DNAH6: variants seen among roughly 807,000 people sequenced by gnomAD.
DNAH6 encodes axonemal beta dynein heavy chain 6.
Under a neutral mutation model 491.4 loss-of-function variants are expected in DNAH6, and 340 were observed. The ratio of observed to expected loss-of-function variants is 0.69; its 90% CI spans 0.63 to 0.76. DNAH6 has a LOEUF of 0.76. Ranked by LOEUF, DNAH6 falls within the 30% of genes least tolerant of loss-of-function variation. DNAH6 has a pLI of 0.00. For missense variants in DNAH6, 4,443 were observed against 4,972.2 expected, an observed-to-expected ratio of 0.89 and a Z score of 3.20; for synonymous variants, 1,603 against 1,686.1, an observed-to-expected ratio of 0.95 and a Z score of 1.21.
chr2:84,749,079 T>C (rs1438623899), intron 63 of DNAH6, among the ~76,000 whole-genome samples: 4 of 152,198 alleles, frequency 2.6e-5, no homozygotes, highest in African/African-American at 9.7e-5. Flanking sequence ...AAGCCATTCA[T>C]GAGGGATCCA....
the DNAH6 span, among the ~76,000 whole-genome samples, chr2:84,499,563 GGGATTGCT>G: frequency 5.3e-5 from 8 of 152,156 alleles, no homozygotes; most frequent in Non-Finnish European, 1.0e-4. Flanking sequence ...ATCCAGCAGT[GGGATTGCT>G]GGAGCATATG....
intron 64 of DNAH6, among the ~76,000 whole-genome samples, chr2:84,766,482 A>G (rs1298870730): frequency 6.6e-6 from 1 of 152,196 alleles, no homozygotes; most frequent in Non-Finnish European, 1.5e-5. Context: ...GATGACAAAA[A>G]CAATATTACA....
intron 71 of DNAH6, among the ~76,000 whole-genome samples, chr2:84,807,513 C>T (rs950915886): frequency 1.3e-5 from 2 of 152,124 alleles, no homozygotes; most frequent in Non-Finnish European, 1.5e-5. Flanking sequence ...CAGTAACATG[C>T]GATAAACACT....
rs1302052077 is a variant in DNAH6, at chr2:84,517,899, T to G, written c.73T>G (p.Ser25Ala). The change falls in exon 2 of 77, where the codon TCA becomes GCA. Residue 25 changes from serine to alanine, a missense_variant. By Grantham distance (99) the Ser-to-Ala change is moderately conservative. Around this residue, in one of 3 missense-constraint regions of DNAH6, gnomAD observed 2,977 missense variants for 3,296.6 expected, o/e 0.90. Coordinates refer to ENST00000389394, the MANE Select transcript of DNAH6 (RefSeq NM_001370.2). ...IEEYAENSAL[S>A]RLNNIKAKQR... ...AGAGTATGCCGAAAATTCTGCACTT[T>G]CAAGACTGAATAATATAAAAGCCAA... The G allele has an allele frequency of 5.8e-6, 9 of 1,551,786 alleles. No homozygotes were observed. The highest frequency in any genetic ancestry group is 7.0e-6 in the Non-Finnish European group (8 of 1,147,018).
rs1207064868 is a variant in DNAH6 at position 84,705,719 on chromosome 2, C to T, written c.8699C>T (p.Pro2900Leu). 9 of 1,549,724 alleles carry T rather than the reference C, an allele frequency of 5.8e-6. No homozygotes were observed. In the Admixed American group the frequency reaches 1.8e-4, roughly 31 times the overall value. ...TCTCGAGTGGTCAAGGTCGTCGAAC[C>T]AAAAAGACAAAAGCTCCGCGCCGCA... is the stretch of plus-strand genomic sequence containing the variant. ...LYSRVVKVVE[P>L]KRQKLRAAQA... The change falls in exon 52 of 77, where the codon CCA (proline) becomes CTA (leucine). Residue 2900 changes from proline to leucine, a missense_variant. Coordinates refer to ENST00000389394, the MANE Select transcript of DNAH6 (RefSeq NM_001370.2).
chr2:84,740,784 G>A (rs1672453297), intron 62 of DNAH6, among the ~76,000 whole-genome samples: 1 of 152,136 alleles, frequency 6.6e-6, no homozygotes, highest in Admixed American at 6.5e-5. Context: ...CTTGCCCTCT[G>A]GGAAAAACCT....
chr2:84,577,030 A>G (rs980911768), intron 12 of DNAH6, among the ~76,000 whole-genome samples: 1 of 152,228 alleles, frequency 6.6e-6, no homozygotes, highest in African/African-American at 2.4e-5. Context: ...TAGGAGCCAG[A>G]AGACATATTT....
chr2:84,503,854 T>A, the DNAH6 span, among the ~76,000 whole-genome samples: 3 of 152,126 alleles, frequency 2.0e-5, no homozygotes, highest in African/African-American at 7.2e-5. Flanking sequence ...CTTTGGGAGT[T>A]TGATTATTAA....
the DNAH6 span, among the ~76,000 whole-genome samples, chr2:84,475,802 A>C: frequency 1.3e-5 from 2 of 152,360 alleles, no homozygotes; most frequent in East Asian, 3.9e-4. Context: ...CGAGCAATAA[A>C]ATCAATATAT....
chr2:84,794,361 A>G (rs1406032160), intron 68 of DNAH6, among the ~76,000 whole-genome samples: 2 of 151,714 alleles, frequency 1.3e-5, no homozygotes, highest in South Asian at 2.1e-4. Context: ...TCTGCACAGC[A>G]AAAGAAACTA....
chr2:84,691,364 G>C (rs1270767906), intron 45 of DNAH6, among the ~76,000 whole-genome samples: 1 of 152,102 alleles, frequency 6.6e-6, no homozygotes, highest in Non-Finnish European at 1.5e-5. Flanking sequence ...GTACATTATG[G>C]GAAAAATAAG....
In DNAH6 at chr2:84,645,244, A is replaced by T. The variant is rs1010848082; in HGVS notation, c.5078+3190A>T. ...AGACCAGCCTGACCAATATGGTGAA[A>T]CCCTGTCTGTACTAAAAATACAAAA... On this transcript the variant is annotated intron_variant, in intron 33 of 76. Transcript: ENST00000389394. Among the ~76,000 whole-genome samples, 4 of 152,118 alleles carry T rather than the reference A, an allele frequency of 2.6e-5. No individual in the cohort carries two copies. The South Asian group carries it at 8.3e-4, about 32-fold the overall frequency.
At chr2:84,628,209 A>G (rs1323577107) in intron 29 of DNAH6, among the ~76,000 whole-genome samples, 1 of 152,200 alleles carries the variant, frequency 6.6e-6, no homozygotes, top group Non-Finnish European at 1.5e-5. Context: ...TGTGGTAAGC[A>G]GTTTCCAGAG....
rs758855367 is a variant in DNAH6, at chr2:84,573,575, C to T, written c.1912C>T (p.Leu638Phe). 2 of 1,569,508 alleles carry T rather than the reference C, an allele frequency of 1.3e-6. No individual in the cohort carries two copies. Among genetic ancestry groups the T allele is most frequent in the South Asian group, 1.2e-5 (1 of 82,750 alleles). ...NESLDLQALK[L>F]QEPDINFFSE... ...AAGTCTTGATTTACAAGCTCTTAAA[C>T]TTCAGGAACCTGGTAACTTGTCCAT... Residue 638 changes from leucine (L) to phenylalanine (F), a missense_variant, in exon 12 of 77, where the codon CTT (leucine) becomes TTT (phenylalanine). Around this residue, in one of 3 missense-constraint regions of DNAH6, gnomAD observed 2,977 missense variants for 3,296.6 expected, o/e 0.90. Coordinates refer to ENST00000389394, the MANE Select transcript of DNAH6 (RefSeq NM_001370.2).
At chr2:84,667,484 A>G (rs1692251663) in intron 37 of DNAH6, among the ~76,000 whole-genome samples, 1 of 152,374 alleles carries the variant, frequency 6.6e-6, no homozygotes, top group Middle Eastern at 3.4e-3. Context: ...TATGCAGCCA[A>G]CAGACACATG....
chr2:84,740,898 T>C (rs1404811290), intron 62 of DNAH6, among the ~76,000 whole-genome samples: 1 of 152,196 alleles, frequency 6.6e-6, no homozygotes, highest in Non-Finnish European at 1.5e-5. Context: ...CAATTCTGCC[T>C]GTGGGGACCC....
chr2:84,701,327 G>A lies in DNAH6; in HGVS notation c.8049G>A (p.Lys2683=), dbSNP rs1208465403. ...TGTCTATGCTGTCTGAAAAAAGGAAGCAGATTATTTCAGTAGGTTCAATAT... is the reference window on the plus strand; with the variant it reads ...TGTCTATGCTGTCTGAAAAAAGGAAACAGATTATTTCAGTAGGTTCAATAT... ...LYLSMLSEKR[K]QIISARDRVK... The change falls in exon 49 of 77, where the codon AAG becomes AAA. Residue 2683 remains lysine, a synonymous_variant. Coordinates refer to ENST00000389394, the MANE Select transcript of DNAH6 (RefSeq NM_001370.2). 3 of 1,549,336 alleles carry A rather than the reference G, an allele frequency of 1.9e-6. No homozygotes were observed. The Admixed American group carries it at 5.9e-5, about 31-fold the overall frequency.
intron 29 of DNAH6, among the ~76,000 whole-genome samples, chr2:84,625,638 CAGTA>C (rs1302420154): frequency 6.6e-6 from 1 of 152,058 alleles, no homozygotes. Flanking sequence ...AAAAAAATAA[CAGTA>C]AGCCCATTAT....
intron 31 of DNAH6, among the ~76,000 whole-genome samples, chr2:84,640,228 G>T (rs1456822429): frequency 6.6e-6 from 1 of 152,162 alleles, no homozygotes; most frequent in Non-Finnish European, 1.5e-5. Flanking sequence ...TCAGTGCCTA[G>T]GTATCCCCAT....
Sources: gnomAD v4.1 joint callset for allele counts (sites outside exome capture counted in the v4.1 genomes callset) on GRCh38, gnomAD v4.1.1 for gene constraint, gnomAD v4.1.1 regional missense constraint, MANE v1.5 for transcripts, NCBI Gene and HGNC (gene_info 2026-07-23, HGNC 2026-07-21) for gene names.